Variants in WDFY4 observed in about 807,000 individuals in gnomAD.
WDFY4 encodes the protein WDFY family member 4.
Under a neutral mutation model 351.9 loss-of-function variants are expected in WDFY4, and 169 were observed. The observed-to-expected ratio is 0.48, with a 90% CI of 0.42 to 0.55. The LOEUF (loss-of-function observed/expected upper bound fraction) is 0.55, where lower values mean the gene tolerates loss of function less well. WDFY4 is among the 20% of genes least tolerant of loss of function. The probability of loss-of-function intolerance (pLI) is 0.00; values close to 1 mark genes in which losing one functional copy is unlikely to be tolerated. For synonymous variants in WDFY4, 1,622 were observed against 1,574.6 expected (o/e 1.03, Z -0.71); for missense variants, 3,803 against 3,935.6 (o/e 0.97, Z 0.90).
chr10:48,963,313 G>A (rs1433490303), intron 53 of WDFY4, among the ~76,000 whole-genome samples: 1 of 152,130 alleles, frequency 6.6e-6, no homozygotes, highest in African/African-American at 2.4e-5. Flanking sequence ...CTGCTAAGAA[G>A]GTACAATTGT....
chr10:48,760,560 G>A, intron 13 of WDFY4, 120 bp downstream of exon 13: 1 of 952,880 alleles, frequency 1.0e-6, no homozygotes, highest in Non-Finnish European at 1.6e-6. Context: ...CGTTAGCAGA[G>A]CTCCCCATGG....
intron 35 of WDFY4, among the ~76,000 whole-genome samples, chr10:48,824,611 T>G (rs181034114): frequency 6.6e-6 from 1 of 152,140 alleles, no homozygotes; most frequent in Non-Finnish European, 1.5e-5. Context: ...GTAGAGGAAA[T>G]GAGTCCTATT....
At chr10:48,724,224 G>T (rs969931774) in intron 5 of WDFY4, among the ~76,000 whole-genome samples, 1 of 152,144 alleles carries the variant, frequency 6.6e-6, no homozygotes, top group Non-Finnish European at 1.5e-5. Flanking sequence ...GGATACAGAG[G>T]ACTGTGGGGC....
At chr10:48,747,173 C>A (rs1714555325) in intron 12 of WDFY4, among the ~76,000 whole-genome samples, 1 of 152,132 alleles carries the variant, frequency 6.6e-6, no homozygotes, top group African/African-American at 2.4e-5. Flanking sequence ...GTTATTTTCT[C>A]ACAGTAAATG....
At chr10:48,974,820 A>G in intron 57 of WDFY4, 42 bp from the exon 58 acceptor site, 1 of 1,477,696 alleles carries the variant, frequency 6.8e-7, no homozygotes. Flanking sequence ...AAAGTAGCTG[A>G]ATTGAGGGTC....
At chr10:48,700,307 G>T (rs1216698227) in intron 1 of WDFY4, among the ~76,000 whole-genome samples, 1 of 152,200 alleles carries the variant, frequency 6.6e-6, no homozygotes, top group Non-Finnish European at 1.5e-5. Flanking sequence ...TATGTAGACT[G>T]TGCTTTGGGG....
At chr10:48,735,523 T>C (rs193296110) in intron 10 of WDFY4, among the ~76,000 whole-genome samples, 4 of 152,272 alleles carry the variant, frequency 2.6e-5, no homozygotes, top group African/African-American at 9.6e-5. Flanking sequence ...CAGGAATTCA[T>C]GACACTATTA....
intron 39 of WDFY4, among the ~76,000 whole-genome samples, chr10:48,866,805 A>G (rs1169803513): frequency 6.6e-6 from 1 of 152,220 alleles, no homozygotes; most frequent in Non-Finnish European, 1.5e-5. Flanking sequence ...TGACGCCTGT[A>G]TTTATATGAA....
At chr10:48,904,689 TC>T (rs1837527484) in intron 47 of WDFY4, among the ~76,000 whole-genome samples, 1 of 152,048 alleles carries the variant, frequency 6.6e-6, no homozygotes, top group Admixed American at 6.5e-5. Flanking sequence ...CCGTACATGC[TC>T]TATCCCGGTA....
intron 19 of WDFY4, among the ~76,000 whole-genome samples, chr10:48,782,336 T>C (rs1344849414): frequency 6.6e-6 from 1 of 152,264 alleles, no homozygotes; most frequent in Non-Finnish European, 1.5e-5. Context: ...TTATTGATGT[T>C]TGTACCTTCC....
At chr10:48,848,385 G>T (rs1027116966) in intron 39 of WDFY4, among the ~76,000 whole-genome samples, 6 of 152,218 alleles carry the variant, frequency 3.9e-5, no homozygotes, top group African/African-American at 1.4e-4. Context: ...ACACATAATA[G>T]AAGTGTTTAG....
intron 10 of WDFY4, among the ~76,000 whole-genome samples, chr10:48,734,441 T>C (rs1365100598): frequency 6.6e-6 from 1 of 152,034 alleles, no homozygotes; most frequent in Non-Finnish European, 1.5e-5. Context: ...TCAGACATGA[T>C]GCACTTAGCA....
intron 24 of WDFY4, among the ~76,000 whole-genome samples, chr10:48,801,288 G>GTGGCA (rs2132839342): frequency 6.6e-6 from 1 of 152,346 alleles, no homozygotes; most frequent in East Asian, 1.9e-4. Context: ...TCAAATGGGT[G>GTGGCA]TGGCAACTTA....
chr10:48,818,748 GAT>G (rs960585030), intron 32 of WDFY4, among the ~76,000 whole-genome samples: 21 of 152,174 alleles, frequency 1.4e-4, no homozygotes, highest in Non-Finnish European at 2.6e-4. Context: ...TTCACAAAAA[GAT>G]AACATAGTTT....
intron 12 of WDFY4, among the ~76,000 whole-genome samples, chr10:48,759,920 AG>A (rs199875739): frequency 0.012 from 1,824 of 152,208 alleles, 34 homozygotes; most frequent in African/African-American, 0.041. Context: ...TTCGGTATTC[AG>A]GGGGTGGGAC....
At chr10:48,685,839 G>A (rs563141655) in intron 1 of WDFY4, among the ~76,000 whole-genome samples, 203 of 147,930 alleles carry the variant, frequency 1.4e-3, no homozygotes, top group Non-Finnish European at 2.2e-3. Flanking sequence ...GAGAAACCAC[G>A]CCCTGCCAGG....
chr10:48,710,329 C>T (rs1476192612), intron 2 of WDFY4, among the ~76,000 whole-genome samples: 1 of 152,184 alleles, frequency 6.6e-6, no homozygotes, highest in African/African-American at 2.4e-5. Context: ...TAATCCCATT[C>T]ATAATGGTAG....
At position 48,787,952 on chromosome 10, in the gene WDFY4, TTCTTC is replaced by T. The variant is rs2066529200; in HGVS notation, c.3809-576_3809-572del. On this transcript the variant is annotated intron_variant, in intron 20 of 61. Transcript: ENST00000325239. ...CTTCTTCTTCTTCTTCTTCTTCTTC[TTCTTC>T]TTCTTCTTCTTCTTCTTCTTCTTCT... 3.3e-5 allele frequency among the ~76,000 whole-genome samples: 4 copies of T among 121,424 alleles called. 1 individual carries two copies. Among genetic ancestry groups the T allele is most frequent in the Non-Finnish European group, 6.7e-5 (4 of 60,120 alleles). The allele number at this position is 121,424 out of a possible 152,430, so 79.7% of individuals were successfully genotyped here. A position where few individuals can be genotyped will look rare whatever the true frequency, so the allele number is the denominator to read the frequency against.
At chr10:48,785,233 A>T (rs888486979) in intron 19 of WDFY4, among the ~76,000 whole-genome samples, 1 of 152,126 alleles carries the variant, frequency 6.6e-6, no homozygotes, top group Non-Finnish European at 1.5e-5. Context: ...CTATATATAT[A>T]CATATATATT....
Sources: allele counts gnomAD v4.1 joint callset (sites outside exome capture counted in the v4.1 genomes callset), GRCh38; gene constraint gnomAD v4.1.1; transcripts MANE v1.5; gene names NCBI Gene and HGNC (gene_info 2026-07-23, HGNC 2026-07-21).